The following SYT2 variants were observed in gnomAD, a reference collection of about 807,000 sequenced individuals.
SYT2 encodes synaptotagmin-2.
In SYT2, 15 loss-of-function variants were observed where a neutral mutation model predicts 39.9. The observed-to-expected ratio is 0.38, with a 90% CI of 0.25 to 0.58. The LOEUF is 0.58. Among genes scored for constraint, SYT2 ranks in the 20% least tolerant of loss-of-function variants. The pLI is 0.70. For synonymous variants in SYT2, 181 were observed against 204.5 expected (o/e 0.89, Z 0.98); for missense variants, 389 against 530.3 (o/e 0.73, Z 2.62).
At chr1:202,608,298 T>TTTA (rs1690775007) in intron 1 of SYT2, among the ~76,000 whole-genome samples, 1 of 151,344 alleles carries the variant, frequency 6.6e-6, no homozygotes. Context: ...TTTTTTTTTT[T>TTTA]GAGACAGGGT....
intron 1 of SYT2, among the ~76,000 whole-genome samples, chr1:202,637,508 G>C (rs532221380): frequency 4.6e-5 from 7 of 152,246 alleles, no homozygotes; most frequent in Admixed American, 3.9e-4. Context: ...GGGTGGGGAT[G>C]GGGGACAGGC....
intron 1 of SYT2, among the ~76,000 whole-genome samples, chr1:202,661,034 C>T (rs749095092): frequency 6.6e-5 from 10 of 152,172 alleles, no homozygotes; most frequent in Admixed American, 1.3e-4. Flanking sequence ...ATCTACTCCA[C>T]TCCAGACATG....
intron 1 of SYT2, among the ~76,000 whole-genome samples, chr1:202,709,028 G>C (rs1654322804): frequency 6.6e-6 from 1 of 152,228 alleles, no homozygotes. Context: ...GGCAGCAGTA[G>C]GGGAGGGAGA....
intron 1 of SYT2, among the ~76,000 whole-genome samples, chr1:202,704,876 G>A (rs1157069935): frequency 6.6e-6 from 1 of 152,200 alleles, no homozygotes; most frequent in Non-Finnish European, 1.5e-5. Context: ...CAGAGCAGGT[G>A]TTCCTGAAGG....
rs563210028 is a variant in SYT2 at position 202,611,630 on chromosome 1, A to G, written c.-17-5841T>C. ...CTCGGCCTCCCAAAGTGCTGGGATT[A>G]CAGGCATGAGCCACTGTGCCTGGTC... On this transcript the variant is annotated intron_variant, in intron 1 of 8. Transcript: ENST00000367268. Among the ~76,000 whole-genome samples, 3 of 152,348 alleles carry G rather than the reference A, an allele frequency of 2.0e-5. No individual in the cohort carries two copies. In the South Asian group the frequency reaches 6.2e-4, roughly 32 times the overall value.
At chr1:202,668,210 C>A (rs1165928441) in intron 1 of SYT2, among the ~76,000 whole-genome samples, 1 of 152,198 alleles carries the variant, frequency 6.6e-6, no homozygotes, top group East Asian at 1.9e-4. Context: ...GACATGGGCT[C>A]ACACATCTCT....
chr1:202,637,835 T>C (rs2149094742), intron 1 of SYT2, among the ~76,000 whole-genome samples: 1 of 152,262 alleles, frequency 6.6e-6, no homozygotes, highest in Middle Eastern at 3.4e-3. Context: ...GCCCTGATGA[T>C]CAATTTGGTG....
intron 1 of SYT2, among the ~76,000 whole-genome samples, chr1:202,661,814 A>G (rs1692388289): frequency 6.6e-6 from 1 of 152,262 alleles, no homozygotes; most frequent in Admixed American, 6.5e-5. Flanking sequence ...TGAGGCTCAG[A>G]GTGGGACCCT....
intron 1 of SYT2, among the ~76,000 whole-genome samples, chr1:202,689,885 G>A (rs1352700047): frequency 3.4e-5 from 5 of 145,326 alleles, no homozygotes; most frequent in Non-Finnish European, 7.5e-5. Flanking sequence ...TACTTCCCCC[G>A]GAAGTGCCCC....
chr1:202,661,980 C>T (rs1475083241), intron 1 of SYT2, among the ~76,000 whole-genome samples: 1 of 152,196 alleles, frequency 6.6e-6, no homozygotes, highest in African/African-American at 2.4e-5. Context: ...CTGTGGTCAC[C>T]CTTGTCCACA....
chr1:202,666,784 C>T (rs750407793), intron 1 of SYT2, among the ~76,000 whole-genome samples: 1 of 152,206 alleles, frequency 6.6e-6, no homozygotes, highest in Non-Finnish European at 1.5e-5. Flanking sequence ...GAGTTCAAGA[C>T]CAGCCTGGCC....
At chr1:202,702,993 T>C (rs1191573604) in intron 1 of SYT2, among the ~76,000 whole-genome samples, 1 of 152,040 alleles carries the variant, frequency 6.6e-6, no homozygotes, top group Non-Finnish European at 1.5e-5. Flanking sequence ...CTCCAGAAAA[T>C]GCTTCCTTTC....
chr1:202,596,770 C>G lies in SYT2; in HGVS notation c.1247G>C (p.Gly416Ala). The change falls in exon 9 of 9, where the codon GGC becomes GCC. Residue 416 changes from glycine to alanine, a missense_variant. Physicochemically the swap from Gly to Ala is moderately conservative, Grantham distance 60. Coordinates refer to ENST00000367268, the MANE Select transcript of SYT2 (RefSeq NM_177402.5). The stretch of plus-strand genomic sequence containing the variant: ...AGCCGCTGCTGTCTACTTGTTCTTG[C>G]CCAGGAGTGCATCCACCTCCTCCTC... ...KPEEEVDALL[G>A]KNK is the part of the protein sequence containing the mutation. The G allele has an allele frequency of 6.2e-7, 1 of 1,613,736 alleles. No homozygotes were observed. The highest frequency in any genetic ancestry group is 1.3e-5 in the African/African-American group (1 of 75,052).
chr1:202,693,665 G>C (rs1653901231), intron 1 of SYT2, among the ~76,000 whole-genome samples: 1 of 152,176 alleles, frequency 6.6e-6, no homozygotes, highest in Non-Finnish European at 1.5e-5. Flanking sequence ...CCAAAGTCCA[G>C]GATCATGACT....
chr1:202,696,488 T>C (rs1223766305), intron 1 of SYT2, among the ~76,000 whole-genome samples: 3 of 149,086 alleles, frequency 2.0e-5, no homozygotes, highest in African/African-American at 4.9e-5. Context: ...AATTAAATAA[T>C]TGTAATTAAA....
At chr1:202,700,109 C>A (rs1341168564) in intron 1 of SYT2, among the ~76,000 whole-genome samples, 1 of 152,136 alleles carries the variant, frequency 6.6e-6, no homozygotes, top group African/African-American at 2.4e-5. Flanking sequence ...AGACACCCCT[C>A]TCTCCCAACT....
At chr1:202,644,007 G>A (rs547010074) in intron 1 of SYT2, among the ~76,000 whole-genome samples, 1 of 152,310 alleles carries the variant, frequency 6.6e-6, no homozygotes, top group South Asian at 2.1e-4. Context: ...TAAGGATGAA[G>A]GTTTTCCTGA....
At chr1:202,629,390 T>C (rs1415213551) in intron 1 of SYT2, among the ~76,000 whole-genome samples, 3 of 152,192 alleles carry the variant, frequency 2.0e-5, no homozygotes, top group Non-Finnish European at 2.9e-5. Context: ...AGCCATGGCT[T>C]CTCCAACAGT....
At chr1:202,620,924 C>T (rs533759588) in intron 1 of SYT2, among the ~76,000 whole-genome samples, 83 of 152,272 alleles carry the variant, frequency 5.5e-4, no homozygotes, top group African/African-American at 1.8e-3. Flanking sequence ...TGGAGCTTTG[C>T]TCTGTGTGGG....
Sources: gnomAD v4.1 joint callset for allele counts (sites outside exome capture counted in the v4.1 genomes callset) on GRCh38, gnomAD v4.1.1 for gene constraint, MANE v1.5 for transcripts, NCBI Gene and HGNC (gene_info 2026-07-23, HGNC 2026-07-21) for gene names.